The following ABCD3 variants were observed in gnomAD, a reference collection of about 807,000 sequenced individuals.
ABCD3 encodes the protein ATP binding cassette subfamily D member 3, also known as ATP-binding cassette sub-family D member 3.
Under a neutral mutation model 105.5 loss-of-function variants are expected in ABCD3, and 41 were observed. The ratio of observed to expected loss-of-function variants is 0.39; its 90% confidence interval spans 0.30 to 0.50. The LOEUF is 0.50. Ranked by LOEUF, ABCD3 falls within the 20% of genes least tolerant of loss-of-function variation. The pLI is 0.84. For synonymous variants in ABCD3, 258 were observed against 269.0 expected (o/e 0.96, Z 0.40); for missense variants, 622 against 806.3 (o/e 0.77, Z 2.77).
intron 1 of ABCD3, among the ~76,000 whole-genome samples, chr1:94,430,567 G>GT (rs890315731): frequency 6.6e-6 from 1 of 152,124 alleles, no homozygotes; most frequent in Non-Finnish European, 1.5e-5. Context: ...TGCACAAGCT[G>GT]TTTTTGTCTG....
chr1:94,407,401 C>T, the ABCD3 span, among the ~76,000 whole-genome samples: 3 of 152,118 alleles, frequency 2.0e-5, no homozygotes, highest in East Asian at 5.8e-4. Flanking sequence ...CCGCCCGCCT[C>T]GACCTCCCAA....
chr1:94,414,012 G>A (rs184971821), upstream of ABCD3, among the ~76,000 whole-genome samples: 399 of 152,274 alleles, frequency 2.6e-3, 4 homozygotes, highest in African/African-American at 9.3e-3. Context: ...AGGGATTCAG[G>A]TAGAAGGAAT....
intron 21 of ABCD3, among the ~76,000 whole-genome samples, chr1:94,508,893 A>G (rs946968506): frequency 5.3e-5 from 8 of 152,146 alleles, no homozygotes; most frequent in African/African-American, 1.2e-4. Flanking sequence ...GGGCTGAGAC[A>G]ATGGGGTTTT....
At chr1:94,403,320 A>C in the ABCD3 span, among the ~76,000 whole-genome samples, 8 of 152,126 alleles carry the variant, frequency 5.3e-5, no homozygotes, top group African/African-American at 1.9e-4. Flanking sequence ...GTTAATTTGG[A>C]CTGACCAGTC....
intron 22 of ABCD3, 69 bp downstream of exon 22, chr1:94,515,271 A>G: frequency 7.8e-7 from 1 of 1,286,074 alleles, no homozygotes; most frequent in Non-Finnish European, 1.1e-6. Flanking sequence ...TCAGGTTAAT[A>G]TGGTTTTAGA....
At chr1:94,458,237 C>A (rs1208559308) in intron 1 of ABCD3, among the ~76,000 whole-genome samples, 1 of 152,166 alleles carries the variant, frequency 6.6e-6, no homozygotes, top group Non-Finnish European at 1.5e-5. Context: ...TTTTCCAAGC[C>A]TCTGTTTGTG....
chr1:94,439,881 A>G (rs1190003184), intron 1 of ABCD3, among the ~76,000 whole-genome samples: 2 of 152,156 alleles, frequency 1.3e-5, no homozygotes, highest in African/African-American at 4.8e-5. Context: ...ATTTAGAGAC[A>G]AACTCTCACT....
the ABCD3 span, among the ~76,000 whole-genome samples, chr1:94,402,179 G>A: frequency 6.6e-6 from 1 of 152,292 alleles, no homozygotes; most frequent in Non-Finnish European, 1.5e-5. Context: ...ACCACAACCT[G>A]TTTACCCATT....
At chr1:94,505,875 C>A (rs774707565) in intron 20 of ABCD3, among the ~76,000 whole-genome samples, 4 of 152,042 alleles carry the variant, frequency 2.6e-5, no homozygotes, top group Non-Finnish European at 5.9e-5. Context: ...GAGATCTTGT[C>A]AGGGGGCAGA....
chr1:94,476,972 T>C (rs1211790639), intron 7 of ABCD3, among the ~76,000 whole-genome samples: 16 of 151,984 alleles, frequency 1.1e-4, no homozygotes, highest in Non-Finnish European at 1.5e-5. Flanking sequence ...TATACAACTT[T>C]CCATGTAATT....
chr1:94,423,048 A>G (rs1257074963), intron 1 of ABCD3, among the ~76,000 whole-genome samples: 1 of 152,140 alleles, frequency 6.6e-6, no homozygotes, highest in South Asian at 2.1e-4. Context: ...CTCTGTTCCA[A>G]ATAGGACAGT....
chr1:94,402,048 A>C, the ABCD3 span, among the ~76,000 whole-genome samples: 4 of 152,216 alleles, frequency 2.6e-5, no homozygotes, highest in Non-Finnish European at 4.4e-5. Context: ...CATTGAATCA[A>C]GTAGTGTGTG....
In ABCD3 at chr1:94,418,607, G is replaced by A. The variant is rs1443656347; in HGVS notation, c.110+19G>A. ...TGCACGGGTAAGAAGGCCCGTAGCC[G>A]TGCAGCTTTCCCGGGCTGGAGCGGG... On this transcript the variant is annotated intron_variant, in intron 1 of 22. Transcript: ENST00000370214. 3 of 1,578,820 alleles carry A rather than the reference G, an allele frequency of 1.9e-6. No individual in the cohort carries two copies. Among genetic ancestry groups the A allele is most frequent in the Non-Finnish European group, 1.7e-6 (2 of 1,168,832 alleles).
chr1:94,424,034 T>C (rs1347716231), intron 1 of ABCD3, among the ~76,000 whole-genome samples: 5 of 152,148 alleles, frequency 3.3e-5, no homozygotes, highest in Admixed American at 2.0e-4. Context: ...AGATGTTATA[T>C]GGCCCCGTTT....
chr1:94,450,581 GA>G (rs1660543057), intron 1 of ABCD3, among the ~76,000 whole-genome samples: 1 of 152,230 alleles, frequency 6.6e-6, no homozygotes, highest in African/African-American at 2.4e-5. Flanking sequence ...TTTCCCGTAA[GA>G]AATGCTTTTA....
intron 1 of ABCD3, among the ~76,000 whole-genome samples, chr1:94,442,696 C>G (rs571164796): frequency 1.1e-4 from 17 of 152,264 alleles, no homozygotes; most frequent in Admixed American, 3.3e-4. Flanking sequence ...TCGTTAAGCT[C>G]CCACTTATAA....
chr1:94,476,847 T>C (rs1020358359), intron 7 of ABCD3, among the ~76,000 whole-genome samples: 2 of 152,090 alleles, frequency 1.3e-5, no homozygotes, highest in African/African-American at 4.8e-5. Context: ...AGCTTTCTTT[T>C]CTGTTCCCAT....
chr1:94,457,819 A>C (rs1050036597), intron 1 of ABCD3, among the ~76,000 whole-genome samples: 1 of 152,164 alleles, frequency 6.6e-6, no homozygotes, highest in African/African-American at 2.4e-5. Context: ...TCTGCCTTCC[A>C]TTCACAGGTG....
chr1:94,510,130 G>A (rs1417122743), intron 21 of ABCD3, among the ~76,000 whole-genome samples: 2 of 152,070 alleles, frequency 1.3e-5, no homozygotes, highest in Non-Finnish European at 2.9e-5. Flanking sequence ...GGCATTTAGT[G>A]CTATAAATTT....
Sources: allele counts gnomAD v4.1 joint callset (sites outside exome capture counted in the v4.1 genomes callset), GRCh38; gene constraint gnomAD v4.1.1; transcripts MANE v1.5; gene names NCBI Gene and HGNC (gene_info 2026-07-23, HGNC 2026-07-21).